The following KDM4C variants were observed in gnomAD, a reference collection of about 807,000 sequenced individuals.
KDM4C encodes the protein lysine demethylase 4C.
In KDM4C, 81 loss-of-function variants were observed where a neutral mutation model predicts 129.3. That is an observed-to-expected ratio of 0.63 (90% confidence interval 0.52 to 0.75). The LOEUF is 0.75. Ranked by LOEUF, KDM4C falls within the 30% of genes least tolerant of loss-of-function variation. The pLI, the probability that KDM4C is intolerant of heterozygous loss-of-function variation, is 0.00. For missense variants in KDM4C, 1,457 were observed against 1,304.0 expected (o/e 1.12, Z -1.81); for synonymous variants, 573 against 456.1 (o/e 1.26, Z -3.26).
At chr9:7,103,098 G>A (rs1053072940) in intron 17 of KDM4C, among the ~76,000 whole-genome samples, 1 of 152,146 alleles carries the variant, frequency 6.6e-6, no homozygotes, top group Non-Finnish European at 1.5e-5. Context: ...CTCACTTTGG[G>A]AGGCATATTT....
intron 19 of KDM4C, among the ~76,000 whole-genome samples, chr9:7,148,330 G>A (rs954833664): frequency 1.8e-4 from 27 of 152,138 alleles, no homozygotes; most frequent in African/African-American, 4.3e-4. Flanking sequence ...GCGGTGAGCC[G>A]GGGGGCCATG....
intron 8 of KDM4C, among the ~76,000 whole-genome samples, chr9:6,969,884 G>A (rs1209918218): frequency 6.6e-6 from 1 of 152,156 alleles, no homozygotes; most frequent in Non-Finnish European, 1.5e-5. Context: ...CATACTTTCT[G>A]CTCTGTTGAT....
At chr9:6,788,582 A>T (rs1825925374) in intron 1 of KDM4C, among the ~76,000 whole-genome samples, 1 of 152,184 alleles carries the variant, frequency 6.6e-6, no homozygotes, top group Admixed American at 6.5e-5. Flanking sequence ...TCATTATGTA[A>T]ATATGTTAAC....
At chr9:6,796,255 G>A (rs922832196) in intron 2 of KDM4C, among the ~76,000 whole-genome samples, 4 of 152,138 alleles carry the variant, frequency 2.6e-5, no homozygotes, top group South Asian at 2.1e-4. Flanking sequence ...GACCAGCCTG[G>A]CCAACATGGT....
chr9:6,919,928 G>C (rs1258874704), intron 8 of KDM4C, among the ~76,000 whole-genome samples: 1 of 152,026 alleles, frequency 6.6e-6, no homozygotes, highest in African/African-American at 2.4e-5. Flanking sequence ...CCTACTCCAT[G>C]CTATCAGAAC....
At chr9:7,004,233 T>G (rs887673558) in intron 12 of KDM4C, among the ~76,000 whole-genome samples, 14 of 152,212 alleles carry the variant, frequency 9.2e-5, no homozygotes, top group African/African-American at 3.1e-4. Flanking sequence ...GTAACAAAAT[T>G]TGTTCAAAGA....
At chr9:6,927,869 C>G (rs1367931962) in intron 8 of KDM4C, among the ~76,000 whole-genome samples, 1 of 152,156 alleles carries the variant, frequency 6.6e-6, no homozygotes, top group Non-Finnish European at 1.5e-5. Context: ...TCTGGCTGTT[C>G]CACTGAAACT....
intron 1 of KDM4C, among the ~76,000 whole-genome samples, chr9:6,791,859 C>G (rs139579654): frequency 6.6e-6 from 1 of 151,916 alleles, no homozygotes; most frequent in Non-Finnish European, 1.5e-5. Flanking sequence ...CCCATTTTTA[C>G]TAAAAATACA....
intron 19 of KDM4C, among the ~76,000 whole-genome samples, chr9:7,150,307 G>A (rs911448439): frequency 6.6e-6 from 1 of 152,206 alleles, no homozygotes; most frequent in African/African-American, 2.4e-5. Flanking sequence ...GTGCAGGGTG[G>A]CTTAACGTGG....
At chr9:6,987,404 C>G (rs571913354) in intron 11 of KDM4C, among the ~76,000 whole-genome samples, 1 of 152,332 alleles carries the variant, frequency 6.6e-6, no homozygotes, top group East Asian at 1.9e-4. Flanking sequence ...TCAGTAGAAA[C>G]TGTCCATGTA....
At chr9:6,827,709 A>G (rs1033984717) in intron 4 of KDM4C, among the ~76,000 whole-genome samples, 1 of 152,260 alleles carries the variant, frequency 6.6e-6, no homozygotes, top group African/African-American at 2.4e-5. Flanking sequence ...CCAGAACACT[A>G]ACTGCCTAAA....
intron 7 of KDM4C, among the ~76,000 whole-genome samples, chr9:6,890,075 A>G (rs769813620): frequency 9.9e-5 from 15 of 152,142 alleles, no homozygotes; most frequent in Non-Finnish European, 1.9e-4. Context: ...CCTCATATTT[A>G]ATACTGTCAC....
At chr9:7,060,548 C>T (rs1360155046) in intron 17 of KDM4C, among the ~76,000 whole-genome samples, 2 of 151,218 alleles carry the variant, frequency 1.3e-5, no homozygotes, top group African/African-American at 4.9e-5. Context: ...GTGGTGCGAT[C>T]TCGGTTCACT....
At position 6,830,796 on chromosome 9, in the gene KDM4C, G is replaced by A. The variant is rs369943602; in HGVS notation, c.435+16051G>A. Among the ~76,000 whole-genome samples the A allele has an allele frequency of 1.9e-3, 290 of 152,298 alleles. 1 individual carries two copies. The highest frequency in any genetic ancestry group is 3.5e-3 in the Non-Finnish European group (235 of 68,022). On this transcript the variant is annotated intron_variant, in intron 4 of 21. Coordinates refer to ENST00000381309, the MANE Select transcript of KDM4C (RefSeq NM_015061.6). ...TGAAGAATAAAAGGGAAACTCAGTA[G>A]CACCAGCCCTCTGCCATGTGTTATG...
chr9:6,800,043 C>A (rs548285099), intron 2 of KDM4C, among the ~76,000 whole-genome samples: 13 of 150,230 alleles, frequency 8.7e-5, no homozygotes, highest in African/African-American at 3.2e-4. Flanking sequence ...GGCAACATAG[C>A]GAGACCACAT....
At chr9:6,964,005 A>G (rs1830467499) in intron 8 of KDM4C, among the ~76,000 whole-genome samples, 1 of 152,148 alleles carries the variant, frequency 6.6e-6, no homozygotes, top group South Asian at 2.1e-4. Context: ...TGACTGTTAG[A>G]AAGCTAAGAA....
intron 11 of KDM4C, among the ~76,000 whole-genome samples, chr9:6,988,720 C>G (rs935431036): frequency 6.6e-6 from 1 of 151,886 alleles, no homozygotes; most frequent in African/African-American, 2.4e-5. Context: ...ATCTTGGGCT[C>G]AAAGCTGTAC....
chr9:6,856,135 G>C (rs12338808), intron 5 of KDM4C, among the ~76,000 whole-genome samples: 5,857 of 151,258 alleles, frequency 0.039, 414 homozygotes, highest in African/African-American at 0.14. Context: ...TTTGCTCAGT[G>C]AACAGTCTTA....
At chr9:6,788,835 A>T (rs905015494) in intron 1 of KDM4C, among the ~76,000 whole-genome samples, 10 of 152,050 alleles carry the variant, frequency 6.6e-5, no homozygotes, top group Non-Finnish European at 1.5e-4. Flanking sequence ...GTTCCAGAGG[A>T]TTAGGAATCT....
Sources: gnomAD v4.1 joint callset for allele counts (sites outside exome capture counted in the v4.1 genomes callset) on GRCh38, gnomAD v4.1.1 for gene constraint, MANE v1.5 for transcripts, NCBI Gene and HGNC (gene_info 2026-07-23, HGNC 2026-07-21) for gene names.